The following TMEM135 variants were observed in gnomAD, a reference collection of about 807,000 sequenced individuals.
TMEM135 encodes peroxisomal membrane protein 52.
A neutral mutation model predicts 60.3 loss-of-function variants in TMEM135; 30 were observed. That is an observed-to-expected ratio of 0.50 (90% CI 0.37 to 0.68). TMEM135 has a LOEUF of 0.68. Ranked by LOEUF, TMEM135 falls within the 30% of genes least tolerant of loss-of-function variation. The pLI, the probability that TMEM135 is intolerant of heterozygous loss-of-function variation, is 0.00. For missense variants in TMEM135, 468 were observed against 548.8 expected (o/e 0.85, Z 1.47); for synonymous variants, 190 against 186.7 (o/e 1.02, Z -0.14).
chr11:87,060,495 A>G lies in TMEM135; in HGVS notation c.142-7199A>G, dbSNP rs370438536. On this transcript the variant is annotated intron_variant, in intron 1 of 14. Transcript: ENST00000305494. The stretch of plus-strand genomic sequence containing the variant: ...CAGGTTTAAATTTATAACATGCAGT[A>G]TGGATAAGTGATAATTCTCCTTATT... Among the ~76,000 whole-genome samples the G allele has an allele frequency of 1.2e-4, 18 of 152,346 alleles. 1 individual carries two copies. The highest frequency in any genetic ancestry group is 4.3e-4 in the African/African-American group (18 of 41,576).
intron 4 of TMEM135, among the ~76,000 whole-genome samples, chr11:87,106,660 T>C (rs936989032): frequency 6.6e-6 from 1 of 152,206 alleles, no homozygotes; most frequent in African/African-American, 2.4e-5. Context: ...AAGTGTTTAT[T>C]AGAATTCACC....
At chr11:87,252,371 G>C (rs975229062) in intron 6 of TMEM135, among the ~76,000 whole-genome samples, 4 of 152,002 alleles carry the variant, frequency 2.6e-5, no homozygotes, top group Non-Finnish European at 4.4e-5. Context: ...CCTTGCACAT[G>C]TGTTTTAAGT....
intron 6 of TMEM135, among the ~76,000 whole-genome samples, chr11:87,253,850 A>T (rs893573440): frequency 4.0e-5 from 6 of 151,844 alleles, no homozygotes; most frequent in South Asian, 4.1e-4. Context: ...AATTTGTTTC[A>T]TGTTTTACAA....
At chr11:87,283,586 C>G (rs890456477) in intron 6 of TMEM135, among the ~76,000 whole-genome samples, 1 of 131,156 alleles carries the variant, frequency 7.6e-6, no homozygotes, top group East Asian at 2.0e-4. Context: ...GGGCTGGGTG[C>G]GGTGGCTCAC....
intron 4 of TMEM135, among the ~76,000 whole-genome samples, chr11:87,154,156 A>G (rs906131516): frequency 6.6e-6 from 1 of 152,150 alleles, no homozygotes; most frequent in African/African-American, 2.4e-5. Flanking sequence ...CTCAGCCTCT[A>G]GTAACCACTG....
chr11:87,185,280 CAGATA>C (rs1939621676), intron 5 of TMEM135, among the ~76,000 whole-genome samples: 1 of 152,068 alleles, frequency 6.6e-6, no homozygotes. Flanking sequence ...AATCAGAATC[CAGATA>C]AGATCTATAT....
chr11:87,232,421 G>C (rs1459136145), intron 5 of TMEM135, among the ~76,000 whole-genome samples: 1 of 152,060 alleles, frequency 6.6e-6, no homozygotes, highest in Non-Finnish European at 1.5e-5. Context: ...TAAACCCACA[G>C]ATCCAAGTAG....
chr11:87,081,751 TC>T (rs1169869530), intron 3 of TMEM135, among the ~76,000 whole-genome samples: 1 of 152,000 alleles, frequency 6.6e-6, no homozygotes, highest in African/African-American at 2.4e-5. Flanking sequence ...AGTGTTTCAT[TC>T]TTAGACATTG....
At chr11:87,313,552 A>T (rs1942677512) in intron 11 of TMEM135, 64 bp downstream of exon 11, 14 of 1,293,504 alleles carry the variant, frequency 1.1e-5, no homozygotes, top group Non-Finnish European at 1.6e-5. Flanking sequence ...TGAATTGGAA[A>T]TACCATCCAA....
chr11:87,042,954 G>GTTTTTTT (rs201655891), intron 1 of TMEM135, among the ~76,000 whole-genome samples: 1 of 125,406 alleles, frequency 8.0e-6, no homozygotes, highest in African/African-American at 3.2e-5. Flanking sequence ...CTGTAGTTTT[G>GTTTTTTT]TTTTGTTTTT....
At chr11:87,306,139 C>A in intron 9 of TMEM135, 134 bp downstream of exon 9, 1 of 483,632 alleles carries the variant, frequency 2.1e-6, no homozygotes, top group Non-Finnish European at 3.4e-6. Flanking sequence ...AATTTGACTT[C>A]AAGAGTGAGA....
chr11:87,326,928 TTTC>T lies in TMEM135; in HGVS notation c.*5596_*5598del. ...CTGAGGACCTTTTTTTTTTTTTTTT[TTTC>T]ACTAAAACGCTTCCTATAACTTGGA... On this transcript the variant is annotated 3_prime_UTR_variant, in exon 15 of 15. Transcript: ENST00000305494. The T allele has an allele frequency of 2.3e-6, 1 of 433,404 alleles. No homozygotes were observed. Among genetic ancestry groups the T allele is most frequent in the Admixed American group, 2.7e-5 (1 of 37,066 alleles). 26.8% of individuals were successfully genotyped at this position (433,404 alleles called of 1,614,324 possible). A position where few individuals can be genotyped will look rare whatever the true frequency, so the allele number is the denominator to read the frequency against.
chr11:87,231,542 A>G (rs1325295013), intron 5 of TMEM135, among the ~76,000 whole-genome samples: 1 of 152,198 alleles, frequency 6.6e-6, no homozygotes, highest in Non-Finnish European at 1.5e-5. Context: ...AAGCTCAAGA[A>G]AACTTATGGG....
Position 87,327,679 on chromosome 11 carries a change from G to C in TMEM135, c.*6346G>C. ...CTTGGGATGCTGGTGGTCTGGCTCAGTACAAGTCCAAAAGCCTTGGAACCA... is the reference window on the plus strand; with the variant it reads ...CTTGGGATGCTGGTGGTCTGGCTCACTACAAGTCCAAAAGCCTTGGAACCA... On this transcript the variant is annotated 3_prime_UTR_variant, in exon 15 of 15. Coordinates refer to ENST00000305494, the MANE Select transcript of TMEM135 (RefSeq NM_022918.4). 2.2e-6 allele frequency: 1 copy of C among 454,008 alleles called. No homozygotes were observed. Among genetic ancestry groups the C allele is most frequent in the Non-Finnish European group, 4.4e-6 (1 of 226,778 alleles). The allele number at this position is 454,008 out of a possible 1,614,324, so 28.1% of individuals were successfully genotyped here.
chr11:87,309,431 A>G, intron 9 of TMEM135, 74 bp from the exon 10 acceptor site: 1 of 1,475,776 alleles, frequency 6.8e-7, no homozygotes. Flanking sequence ...CTATTTTGAG[A>G]TGGTAAAATT....
chr11:87,053,264 A>G (rs950538161), intron 1 of TMEM135, among the ~76,000 whole-genome samples: 1 of 146,604 alleles, frequency 6.8e-6, no homozygotes, highest in Admixed American at 7.0e-5. Flanking sequence ...TTTGAGAAAA[A>G]AATTCGTGCC....
intron 8 of TMEM135, among the ~76,000 whole-genome samples, chr11:87,304,235 A>G (rs1337221421): frequency 6.6e-6 from 1 of 152,108 alleles, no homozygotes; most frequent in Non-Finnish European, 1.5e-5. Context: ...GCTAGGATTG[A>G]TGGCATGTGC....
intron 5 of TMEM135, among the ~76,000 whole-genome samples, chr11:87,189,086 T>C (rs1403488141): frequency 2.0e-5 from 3 of 147,298 alleles, no homozygotes; most frequent in African/African-American, 7.3e-5. Context: ...TTCCTTTCTT[T>C]CCTTCCTTTT....
At chr11:87,207,531 A>T (rs1199094434) in intron 5 of TMEM135, among the ~76,000 whole-genome samples, 1 of 152,200 alleles carries the variant, frequency 6.6e-6, no homozygotes, top group Admixed American at 6.5e-5. Context: ...AATTTCCCAG[A>T]TATGATAATA....
Sources: gnomAD v4.1 joint callset for allele counts (sites outside exome capture counted in the v4.1 genomes callset) on GRCh38, gnomAD v4.1.1 for gene constraint, MANE v1.5 for transcripts, NCBI Gene and HGNC (gene_info 2026-07-23, HGNC 2026-07-21) for gene names.